TTC28: variants seen among roughly 807,000 people sequenced by gnomAD.
TTC28 encodes the protein tetratricopeptide repeat protein 28.
A neutral mutation model predicts 198.0 loss-of-function variants in TTC28; 61 were observed. The observed-to-expected ratio is 0.31, with a 90% CI of 0.25 to 0.38. The LOEUF is 0.38. Ranked by LOEUF, TTC28 falls within the 10% of genes least tolerant of loss-of-function variation. The probability of loss-of-function intolerance (pLI) is 1.00; values close to 1 mark genes in which losing one functional copy is unlikely to be tolerated. For missense variants in TTC28, 2,678 were observed against 3,164.0 expected (o/e 0.85, Z 3.69); for synonymous variants, 1,171 against 1,297.8 (o/e 0.90, Z 2.10).
chr22:28,323,136 G>A (rs1217455046), intron 2 of TTC28, among the ~76,000 whole-genome samples: 2 of 152,134 alleles, frequency 1.3e-5, no homozygotes, highest in African/African-American at 2.4e-5. Flanking sequence ...CTACCACGCT[G>A]GGCAATCTCA....
chr22:28,313,360 T>C (rs1022458981), intron 2 of TTC28, among the ~76,000 whole-genome samples: 3 of 152,228 alleles, frequency 2.0e-5, no homozygotes, highest in Non-Finnish European at 2.9e-5. Flanking sequence ...TAACTCATTT[T>C]ATGAGGCCAG....
chr22:28,206,254 A>C (rs905599165), intron 5 of TTC28, among the ~76,000 whole-genome samples: 4 of 152,160 alleles, frequency 2.6e-5, no homozygotes, highest in African/African-American at 9.7e-5. Context: ...GGAGAAACTT[A>C]AGAAGGTTGT....
At chr22:28,204,833 C>A (rs998871954) in intron 5 of TTC28, among the ~76,000 whole-genome samples, 12 of 152,062 alleles carry the variant, frequency 7.9e-5, no homozygotes, top group African/African-American at 2.4e-4. Flanking sequence ...AGAAACACAG[C>A]CATGTATCTA....
chr22:28,141,321 A>G (rs1569159610), intron 6 of TTC28, among the ~76,000 whole-genome samples: 1 of 152,196 alleles, frequency 6.6e-6, no homozygotes, highest in Non-Finnish European at 1.5e-5. Flanking sequence ...TTTGTTTAAA[A>G]ACATGTCTCC....
chr22:28,004,570 A>G (rs1156531132), intron 14 of TTC28, among the ~76,000 whole-genome samples: 2 of 152,146 alleles, frequency 1.3e-5, no homozygotes, highest in East Asian at 3.9e-4. Flanking sequence ...CATGCATACA[A>G]CCCTGGGTGA....
chr22:28,248,022 T>C (rs546972828), intron 5 of TTC28, among the ~76,000 whole-genome samples: 1 of 152,368 alleles, frequency 6.6e-6, no homozygotes, highest in African/African-American at 2.4e-5. Flanking sequence ...AATATCATAG[T>C]GTGATAAACA....
chr22:28,397,127 C>T lies in TTC28; in HGVS notation c.382-90484G>A, dbSNP rs1002844874. The stretch of plus-strand genomic sequence containing the variant: ...TAGCAAACAGTGAGCTACATGCTGG[C>T]GATAAAGTTAAAAAGAAAAAAAATC... On this transcript the variant is annotated intron_variant, in intron 2 of 22. Transcript: ENST00000397906. Among the ~76,000 whole-genome samples, 10 of 151,794 alleles carry T rather than the reference C, an allele frequency of 6.6e-5. No homozygotes were observed. In the South Asian group the frequency reaches 2.1e-3, roughly 32 times the overall value.
At chr22:28,508,130 A>G (rs1020306820) in intron 2 of TTC28, among the ~76,000 whole-genome samples, 5 of 152,192 alleles carry the variant, frequency 3.3e-5, no homozygotes, top group African/African-American at 9.7e-5. Flanking sequence ...TAAAGAGCCA[A>G]CACCCATCAG....
chr22:28,166,104 G>T (rs1207394335), intron 5 of TTC28, among the ~76,000 whole-genome samples: 6 of 152,074 alleles, frequency 3.9e-5, no homozygotes, highest in Non-Finnish European at 7.3e-5. Flanking sequence ...AATGGTAAAG[G>T]GATCAATTCA....
intron 12 of TTC28, among the ~76,000 whole-genome samples, chr22:28,088,518 T>C (rs1048745330): frequency 1.3e-5 from 2 of 152,066 alleles, no homozygotes; most frequent in African/African-American, 4.8e-5. Context: ...TAATTCAAGA[T>C]GGATTAAAGA....
chr22:28,455,058 A>T (rs1468818227), intron 2 of TTC28, among the ~76,000 whole-genome samples: 1 of 152,218 alleles, frequency 6.6e-6, no homozygotes, highest in East Asian at 1.9e-4. Context: ...TTTCCATTTA[A>T]GTTCTGAGTG....
At chr22:28,496,158 C>T (rs2146355188) in intron 2 of TTC28, among the ~76,000 whole-genome samples, 1 of 152,242 alleles carries the variant, frequency 6.6e-6, no homozygotes, top group South Asian at 2.1e-4. Flanking sequence ...CCAATCTCTT[C>T]ACATGTGAGT....
intron 12 of TTC28, among the ~76,000 whole-genome samples, chr22:28,086,452 TC>T (rs1411764021): frequency 2.0e-5 from 3 of 152,128 alleles, no homozygotes; most frequent in South Asian, 2.1e-4. Context: ...ATAAAGATGT[TC>T]TTTGAAACCA....
intron 6 of TTC28, among the ~76,000 whole-genome samples, chr22:28,145,334 G>A (rs764453822): frequency 4.6e-5 from 7 of 152,130 alleles, no homozygotes; most frequent in Non-Finnish European, 1.0e-4. Flanking sequence ...CATGCAAAAG[G>A]TAAGAGCTCA....
chr22:28,656,014 A>G (rs909750401), intron 1 of TTC28, among the ~76,000 whole-genome samples: 1 of 152,242 alleles, frequency 6.6e-6, no homozygotes, highest in Non-Finnish European at 1.5e-5. Context: ...AAAATGTAAT[A>G]CAAGAATTTG....
Position 28,103,868 on chromosome 22 carries a change from T to G in TTC28, c.3307+1411A>C, listed in dbSNP as rs377691668. 3.9e-5 allele frequency among the ~76,000 whole-genome samples: 6 copies of G among 152,344 alleles called. No homozygotes were observed. The South Asian group carries it at 1.2e-3, about 32-fold the overall frequency. On this transcript the variant is annotated intron_variant, in intron 8 of 22. Transcript: ENST00000397906. ...GTCATATGACTGAATTTAATAGTTT[T>G]TACAAATTCAAATGAAAATTGCTCC...
At chr22:28,312,121 C>T (rs2045269769) in intron 2 of TTC28, among the ~76,000 whole-genome samples, 1 of 151,330 alleles carries the variant, frequency 6.6e-6, no homozygotes, top group Admixed American at 6.6e-5. Flanking sequence ...ACAAAGAAGG[C>T]CATTACATAA....
intron 13 of TTC28, among the ~76,000 whole-genome samples, chr22:28,026,915 G>C (rs1247010793): frequency 1.3e-5 from 2 of 152,096 alleles, no homozygotes; most frequent in Non-Finnish European, 2.9e-5. Flanking sequence ...AACTTCTCTG[G>C]GATACTGGCC....
At chr22:28,138,831 C>T (rs1943260351) in intron 6 of TTC28, among the ~76,000 whole-genome samples, 1 of 152,060 alleles carries the variant, frequency 6.6e-6, no homozygotes. Context: ...GGCTTCTATT[C>T]CATTAAAAGG....
Sources: allele counts gnomAD v4.1 joint callset (sites outside exome capture counted in the v4.1 genomes callset), GRCh38; gene constraint gnomAD v4.1.1; transcripts MANE v1.5; gene names NCBI Gene and HGNC (gene_info 2026-07-23, HGNC 2026-07-21).